Variants in CDKAL1 observed in about 807,000 individuals in gnomAD.
The protein encoded by CDKAL1 is threonylcarbamoyladenosine tRNA methylthiotransferase.
In CDKAL1, 32 loss-of-function variants were observed where a neutral mutation model predicts 68.2. The ratio of observed to expected loss-of-function variants is 0.47; its 90% confidence interval spans 0.35 to 0.63. CDKAL1 has a LOEUF of 0.63. Among genes scored for constraint, CDKAL1 ranks in the 30% least tolerant of loss-of-function variants. The pLI is 0.00. For missense variants in CDKAL1, 606 were observed against 696.7 expected (o/e 0.87, Z 1.47); for synonymous variants, 234 against 244.3 (o/e 0.96, Z 0.39).
At chr6:20,538,532 C>A (rs980097858) in intron 2 of CDKAL1, among the ~76,000 whole-genome samples, 7 of 152,196 alleles carry the variant, frequency 4.6e-5, no homozygotes, top group African/African-American at 1.4e-4. Context: ...ATGTCTATTG[C>A]AGTGGATTCC....
chr6:21,209,716 G>T (rs1490127286), intron 15 of CDKAL1, among the ~76,000 whole-genome samples: 1 of 152,090 alleles, frequency 6.6e-6, no homozygotes, highest in African/African-American at 2.4e-5. Context: ...TGAAAGCAGT[G>T]AATGGAAAAA....
At chr6:20,609,878 G>C (rs947146421) in intron 4 of CDKAL1, among the ~76,000 whole-genome samples, 10 of 152,062 alleles carry the variant, frequency 6.6e-5, no homozygotes, top group African/African-American at 2.4e-4. Flanking sequence ...CTTCATCACA[G>C]GTATTAAGCC....
At chr6:21,010,581 T>G (rs1767954934) in intron 11 of CDKAL1, among the ~76,000 whole-genome samples, 1 of 152,170 alleles carries the variant, frequency 6.6e-6, no homozygotes, top group Admixed American at 6.5e-5. Context: ...CCTCATTATG[T>G]GAATGGGCCA....
At chr6:20,724,849 G>A (rs1311118033) in intron 5 of CDKAL1, among the ~76,000 whole-genome samples, 3 of 152,178 alleles carry the variant, frequency 2.0e-5, no homozygotes, top group African/African-American at 7.2e-5. Context: ...TTAACACTAA[G>A]CTAGAAAATA....
chr6:20,758,495 G>A (rs560052351), intron 6 of CDKAL1, 100 bp from the exon 7 acceptor site: 49 of 885,824 alleles, frequency 5.5e-5, no homozygotes, highest in South Asian at 8.3e-5. Flanking sequence ...CTGCATTGAT[G>A]TGCTTAGAAA....
At chr6:20,668,435 C>T (rs1217088840) in intron 5 of CDKAL1, among the ~76,000 whole-genome samples, 1 of 152,130 alleles carries the variant, frequency 6.6e-6, no homozygotes, top group African/African-American at 2.4e-5. Context: ...GGGCTAAAGC[C>T]ATCTTTCTGC....
intron 7 of CDKAL1, among the ~76,000 whole-genome samples, chr6:20,775,058 C>T (rs979690086): frequency 3.3e-5 from 5 of 152,266 alleles, no homozygotes; most frequent in African/African-American, 1.2e-4. Context: ...TAAAAGATCT[C>T]AGAAATATAA....
intron 12 of CDKAL1, among the ~76,000 whole-genome samples, chr6:21,065,655 G>A (rs1461009989): frequency 7.3e-6 from 1 of 137,420 alleles, no homozygotes; most frequent in African/African-American, 2.7e-5. Context: ...CTATTGGATA[G>A]ATTTGATACT....
At chr6:21,047,664 A>G (rs1770318402) in intron 11 of CDKAL1, among the ~76,000 whole-genome samples, 2 of 152,174 alleles carry the variant, frequency 1.3e-5, no homozygotes, top group Admixed American at 1.3e-4. Flanking sequence ...CTTGTCCACC[A>G]GGTGCTTATA....
At chr6:20,985,253 C>G (rs1223246472) in intron 10 of CDKAL1, among the ~76,000 whole-genome samples, 1 of 152,128 alleles carries the variant, frequency 6.6e-6, no homozygotes, top group East Asian at 1.9e-4. Flanking sequence ...AGCCTCTCTT[C>G]TAGCTATTTT....
intron 4 of CDKAL1, among the ~76,000 whole-genome samples, chr6:20,569,788 T>C (rs1371523912): frequency 6.6e-6 from 1 of 152,220 alleles, no homozygotes; most frequent in Non-Finnish European, 1.5e-5. Context: ...ATTTTTTTCC[T>C]TAGATATATC....
chr6:20,784,408 A>ATT (rs1402113263), intron 8 of CDKAL1, among the ~76,000 whole-genome samples: 5 of 23,010 alleles, frequency 2.2e-4, no homozygotes, highest in African/African-American at 7.6e-4. Flanking sequence ...CAGATATTTT[A>ATT]TTTCTTTTTT....
At chr6:20,963,345 G>A (rs1255140774) in intron 10 of CDKAL1, among the ~76,000 whole-genome samples, 1 of 150,342 alleles carries the variant, frequency 6.7e-6, no homozygotes, top group African/African-American at 2.4e-5. Flanking sequence ...GCCCATACCT[G>A]GGTCTCGGCC....
chr6:20,646,745 A>G (rs1015591834), intron 4 of CDKAL1, among the ~76,000 whole-genome samples: 1 of 151,856 alleles, frequency 6.6e-6, no homozygotes, highest in Non-Finnish European at 1.5e-5. Context: ...TGTCATTAGG[A>G]TTATTTATTT....
At position 21,185,358 on chromosome 6, in the gene CDKAL1, C is replaced by T. The variant is rs550281283; in HGVS notation, c.1300-12663C>T. ...CTCTCACCTTCCCATTCAATCCTTC[C>T]ACCTAAGTAGATTGATATGAAAAAG... On this transcript the variant is annotated intron_variant, in intron 13 of 15. Transcript: ENST00000274695. Among the ~76,000 whole-genome samples the T allele has an allele frequency of 6.2e-4, 94 of 152,168 alleles. 1 individual carries two copies. Among genetic ancestry groups the T allele is most frequent in the African/African-American group, 2.1e-3 (89 of 41,494 alleles).
chr6:20,971,251 A>T (rs1177172203), intron 10 of CDKAL1, among the ~76,000 whole-genome samples: 1 of 152,212 alleles, frequency 6.6e-6, no homozygotes, highest in African/African-American at 2.4e-5. Context: ...ACTGTCTTTC[A>T]TGATGTCAAA....
chr6:21,182,471 C>G (rs1777829832), intron 13 of CDKAL1, among the ~76,000 whole-genome samples: 1 of 152,136 alleles, frequency 6.6e-6, no homozygotes, highest in African/African-American at 2.4e-5. Context: ...GGTTATTTCC[C>G]TTAAAATTTA....
rs909516598 is a variant in CDKAL1, at chr6:20,634,086, A to G, written c.287-15207A>G. Among the ~76,000 whole-genome samples the G allele has an allele frequency of 2.6e-5, 4 of 152,310 alleles. No homozygotes were observed. The South Asian group carries it at 8.3e-4, about 32-fold the overall frequency. On this transcript the variant is annotated intron_variant, in intron 4 of 15. Transcript: ENST00000274695. ...CCTGGAAATGTACCATTCTGAGCAG[A>G]TGACTTGTGTTATTGATTTGTGCCA...
chr6:20,618,771 C>G (rs1056043241), intron 4 of CDKAL1, among the ~76,000 whole-genome samples: 1 of 152,022 alleles, frequency 6.6e-6, no homozygotes, highest in Non-Finnish European at 1.5e-5. Flanking sequence ...CTCGACTTCC[C>G]AGGCTCAGCT....
Sources: gnomAD v4.1 joint callset for allele counts (sites outside exome capture counted in the v4.1 genomes callset) on GRCh38, gnomAD v4.1.1 for gene constraint, MANE v1.5 for transcripts, NCBI Gene and HGNC (gene_info 2026-07-23, HGNC 2026-07-21) for gene names.